Variants in SDK1 observed in about 807,000 individuals in gnomAD.
The protein encoded by SDK1 is protein sidekick-1.
Under a neutral mutation model 245.5 loss-of-function variants are expected in SDK1, and 157 were observed. The observed-to-expected ratio is 0.64, with a 90% confidence interval of 0.56 to 0.73. The LOEUF (loss-of-function observed/expected upper bound fraction) is 0.73, where lower values mean the gene tolerates loss of function less well. Ranked by LOEUF, SDK1 falls within the 30% of genes least tolerant of loss-of-function variation. The pLI, the probability that SDK1 is intolerant of heterozygous loss-of-function variation, is 0.00. For synonymous variants in SDK1, 1,647 were observed against 1,278.5 expected, an observed-to-expected ratio of 1.29 and a Z score of -6.15; for missense variants, 3,583 against 3,002.3, an observed-to-expected ratio of 1.19 and a Z score of -4.52.
At chr7:3,625,768 G>C (rs555859891) in intron 2 of SDK1, among the ~76,000 whole-genome samples, 64 of 152,238 alleles carry the variant, frequency 4.2e-4, no homozygotes, top group Non-Finnish European at 7.1e-4. Context: ...CCTGCTGGCT[G>C]TGGTGCCAGA....
rs534214902 is a variant in SDK1 at position 3,744,783 on chromosome 7, G to A, written c.714-76667G>A. Among the ~76,000 whole-genome samples the A allele has an allele frequency of 4.5e-4, 69 of 152,042 alleles. No individual in the cohort carries two copies. The South Asian group carries it at 0.014, about 32-fold the overall frequency. ...GCGGAGATCACACCAATGCACTCCA[G>A]CCTGGGCGACAGAGTGAGACTCCAT... On this transcript the variant is annotated intron_variant, in intron 4 of 44. Coordinates refer to ENST00000404826, the MANE Select transcript of SDK1 (RefSeq NM_152744.4).
At chr7:3,549,020 C>G (rs117954118) in intron 1 of SDK1, among the ~76,000 whole-genome samples, 3,115 of 152,326 alleles carry the variant, frequency 0.02, 61 homozygotes, top group Non-Finnish European at 0.027. Flanking sequence ...CGCCCCCCTT[C>G]CTCCTGCAGC....
chr7:4,173,658 G>A (rs944609972), intron 32 of SDK1, among the ~76,000 whole-genome samples: 5 of 152,192 alleles, frequency 3.3e-5, no homozygotes, highest in East Asian at 3.9e-4. Context: ...GCAGATCACC[G>A]GACCGCAAGA....
At chr7:3,599,980 G>A (rs13223065) in intron 1 of SDK1, among the ~76,000 whole-genome samples, 35,886 of 151,998 alleles carry the variant, frequency 0.24, 4,429 homozygotes, top group South Asian at 0.31. Context: ...GCTGGTATTT[G>A]GACAATAATT....
At chr7:3,566,948 T>C (rs1376380376) in intron 1 of SDK1, among the ~76,000 whole-genome samples, 7 of 152,148 alleles carry the variant, frequency 4.6e-5, no homozygotes, top group African/African-American at 1.7e-4. Flanking sequence ...ACATAGGAAT[T>C]GTCATGCACT....
intron 4 of SDK1, among the ~76,000 whole-genome samples, chr7:3,714,950 C>T (rs750751464): frequency 6.6e-6 from 1 of 152,064 alleles, no homozygotes; most frequent in Non-Finnish European, 1.5e-5. Context: ...GATGGTAATT[C>T]TCATATTTTA....
At chr7:3,462,748 A>C (rs866426006) in intron 1 of SDK1, among the ~76,000 whole-genome samples, 1 of 151,812 alleles carries the variant, frequency 6.6e-6, no homozygotes, top group African/African-American at 2.4e-5. Flanking sequence ...TCCTCTCTCT[A>C]TTGCCGCCAT....
chr7:3,959,745 C>T (rs749476195), intron 8 of SDK1, among the ~76,000 whole-genome samples: 13 of 152,020 alleles, frequency 8.6e-5, no homozygotes, highest in Non-Finnish European at 1.5e-4. Flanking sequence ...AAAAGACACC[C>T]TTTTATTCTT....
At chr7:4,085,196 TCTTA>T (rs1193940923) in intron 22 of SDK1, among the ~76,000 whole-genome samples, 1 of 152,228 alleles carries the variant, frequency 6.6e-6, no homozygotes, top group Non-Finnish European at 1.5e-5. Context: ...TGCCTGTGTA[TCTTA>T]CTTATATGAA....
At chr7:3,365,090 T>TAAA (rs1323377484) in intron 1 of SDK1, among the ~76,000 whole-genome samples, 1 of 152,208 alleles carries the variant, frequency 6.6e-6, no homozygotes, top group African/African-American at 2.4e-5. Flanking sequence ...TAGGAGTTTT[T>TAAA]ATCTTATATC....
intron 1 of SDK1, among the ~76,000 whole-genome samples, chr7:3,342,973 C>T (rs904619794): frequency 7.1e-6 from 1 of 140,872 alleles, no homozygotes; most frequent in African/African-American, 2.6e-5. Context: ...AAATTAAAGC[C>T]ATAGGGAGAA....
chr7:3,408,076 C>T (rs1779099641), intron 1 of SDK1, among the ~76,000 whole-genome samples: 1 of 152,016 alleles, frequency 6.6e-6, no homozygotes. Context: ...GTCTTGCTGT[C>T]ACCCAGGCTG....
At position 3,510,713 on chromosome 7, in the gene SDK1, C is replaced by G. The variant is rs183507029; in HGVS notation, c.299-108367C>G. On this transcript the variant is annotated intron_variant, in intron 1 of 44. Coordinates refer to ENST00000404826, the MANE Select transcript of SDK1 (RefSeq NM_152744.4). ...AGATGAAACCTCAGAGATAGCAGTTCTCAGAGAGAACAGATGATAGATGTT... is the reference window on the plus strand; with the variant it reads ...AGATGAAACCTCAGAGATAGCAGTTGTCAGAGAGAACAGATGATAGATGTT... 4.7e-3 allele frequency among the ~76,000 whole-genome samples: 714 copies of G among 152,212 alleles called. 9 individuals carry two copies. The highest frequency in any genetic ancestry group is 0.016 in the African/African-American group (671 of 41,534).
intron 4 of SDK1, among the ~76,000 whole-genome samples, chr7:3,688,645 G>A (rs1439935566): frequency 1.3e-5 from 2 of 152,204 alleles, no homozygotes; most frequent in South Asian, 4.1e-4. Context: ...GCAGACCTCA[G>A]TTTCCTCATC....
At position 3,672,786 on chromosome 7, in the gene SDK1, TATATATATAA is replaced by T. The variant is rs1388992284; in HGVS notation, c.713+30683_713+30692del. Among the ~76,000 whole-genome samples the T allele has an allele frequency of 7.4e-4, 78 of 105,626 alleles. 4 individuals are homozygous for T. The highest frequency in any genetic ancestry group is 3.5e-3 in the East Asian group (12 of 3,434). 69.3% of individuals were successfully genotyped at this position (105,626 alleles called of 152,430 possible). A position where few individuals can be genotyped will look rare whatever the true frequency, so the allele number is the denominator to read the frequency against. On this transcript the variant is annotated intron_variant, in intron 4 of 44. Coordinates refer to ENST00000404826, the MANE Select transcript of SDK1 (RefSeq NM_152744.4). ...ATATATATATATATATATATATATA[TATATATATAA>T]AAAATACAGAAAGCTCTAAGTATGC...
rs563567643 is a variant in SDK1, at chr7:3,867,951, A to G, written c.847+46368A>G. ...TGGCAGACCATGACTTATCCTTTCTATCTTTCTCGAGATGATCAGACTCCA... is the reference window on the plus strand; with the variant it reads ...TGGCAGACCATGACTTATCCTTTCTGTCTTTCTCGAGATGATCAGACTCCA... On this transcript the variant is annotated intron_variant, in intron 5 of 44. Coordinates refer to ENST00000404826, the MANE Select transcript of SDK1 (RefSeq NM_152744.4). 8.3e-4 allele frequency among the ~76,000 whole-genome samples: 126 copies of G among 152,004 alleles called. 1 individual carries two copies. In the South Asian group the frequency reaches 0.024, roughly 29 times the overall value.
intron 4 of SDK1, among the ~76,000 whole-genome samples, chr7:3,694,577 T>TGGG (rs55771776): frequency 2.7e-5 from 4 of 150,792 alleles, no homozygotes; most frequent in African/African-American, 9.8e-5. Flanking sequence ...TTTATGTTGG[T>TGGG]GGGGGGGGAA....
At chr7:3,960,839 C>T (rs558355402) in intron 8 of SDK1, among the ~76,000 whole-genome samples, 2 of 152,278 alleles carry the variant, frequency 1.3e-5, no homozygotes, top group East Asian at 3.9e-4. Flanking sequence ...GTGTAGGTGC[C>T]AGCTTCTTAA....
intron 1 of SDK1, among the ~76,000 whole-genome samples, chr7:3,340,325 A>G (rs1277324014): frequency 6.6e-6 from 1 of 152,216 alleles, no homozygotes; most frequent in Admixed American, 6.5e-5. Flanking sequence ...GAAGTGCAAT[A>G]ACATTTTGTC....
Sources: allele counts gnomAD v4.1 joint callset (sites outside exome capture counted in the v4.1 genomes callset), GRCh38; gene constraint gnomAD v4.1.1; transcripts MANE v1.5; gene names NCBI Gene and HGNC (gene_info 2026-07-23, HGNC 2026-07-21).